ADGRL2: variants seen among roughly 807,000 people sequenced by gnomAD.
The protein encoded by ADGRL2 is calcium-independent alpha-latrotoxin receptor 2.
Under a neutral mutation model 157.4 loss-of-function variants are expected in ADGRL2, and 44 were observed. The observed-to-expected ratio is 0.28, with a 90% confidence interval of 0.22 to 0.36. The LOEUF (loss-of-function observed/expected upper bound fraction) is 0.36, where lower values mean the gene tolerates loss of function less well. ADGRL2 is among the 10% of genes least tolerant of loss of function. ADGRL2 has a pLI of 1.00. For synonymous variants in ADGRL2, 585 were observed against 624.7 expected, an observed-to-expected ratio of 0.94 and a Z score of 0.95; for missense variants, 1,510 against 1,768.9, an observed-to-expected ratio of 0.85 and a Z score of 2.63.
chr1:81,746,891 T>TACACGTATATACACACGTGCACACGTAC (rs1557615150), intron 1 of ADGRL2, among the ~76,000 whole-genome samples: 8 of 149,582 alleles, frequency 5.3e-5, no homozygotes, highest in East Asian at 2.0e-4. Flanking sequence ...TGCACACGTA[T>TACACGTATATACACACGTGCACACGTAC]ACACGTATAT....
intron 3 of ADGRL2, among the ~76,000 whole-genome samples, chr1:81,659,759 C>G (rs1400664688): frequency 1.3e-5 from 2 of 152,138 alleles, no homozygotes; most frequent in African/African-American, 2.4e-5. Context: ...AACTGGTTTA[C>G]CACATTCTCA....
At chr1:81,342,137 A>G (rs1163990791) in intron 1 of ADGRL2, among the ~76,000 whole-genome samples, 3 of 152,184 alleles carry the variant, frequency 2.0e-5, no homozygotes, top group East Asian at 1.9e-4. Context: ...TACAACAAGC[A>G]TAGGTATTTA....
intron 1 of ADGRL2, among the ~76,000 whole-genome samples, chr1:81,341,339 G>C (rs1175326061): frequency 6.6e-6 from 1 of 151,978 alleles, no homozygotes; most frequent in Admixed American, 6.5e-5. Flanking sequence ...AAAAGAGAAA[G>C]GCCTCTAGAT....
rs750301010 is a variant in ADGRL2, at chr1:81,943,352, A to C, written c.793A>C (p.Lys265Gln). 8 of 1,613,696 alleles carry C rather than the reference A, an allele frequency of 5.0e-6. No individual in the cohort carries two copies. Among genetic ancestry groups the C allele is most frequent in the Non-Finnish European group, 6.8e-6 (8 of 1,179,726 alleles). The stretch of plus-strand genomic sequence containing the variant: ...TACCTCACCATACAGATGGGGAGGA[A>C]AGACTGATATCGACCTAGCAGTTGA... ...HDTSPYRWGG[K>Q]TDIDLAVDEN... Residue 265 changes from lysine to glutamine, a missense_variant, in exon 6 of 24, where the codon AAG becomes CAG. By Grantham distance (53) the Lys-to-Gln change is moderately conservative. This residue lies in a region of ADGRL2 where 361 missense variants were observed against 498.4 expected (regional missense o/e 0.72). Coordinates refer to ENST00000686636, the MANE Select transcript of ADGRL2 (RefSeq NM_001366006.2). The surrounding 1 kb of genome is among the most constrained non-coding windows in gnomAD (Gnocchi z 5.6).
chr1:81,864,871 A>G (rs1443077603), intron 2 of ADGRL2, among the ~76,000 whole-genome samples: 1 of 152,184 alleles, frequency 6.6e-6, no homozygotes, highest in African/African-American at 2.4e-5. Context: ...CTGTAATCCC[A>G]GCTACTTGGG....
intron 1 of ADGRL2, among the ~76,000 whole-genome samples, chr1:81,708,022 G>A (rs535249825): frequency 1.3e-5 from 2 of 152,220 alleles, no homozygotes; most frequent in South Asian, 4.1e-4. Flanking sequence ...TATTTTAAAT[G>A]CCTACGCTTG....
At chr1:81,430,281 G>A (rs186808100) in intron 1 of ADGRL2, among the ~76,000 whole-genome samples, 16 of 152,322 alleles carry the variant, frequency 1.1e-4, no homozygotes, top group Admixed American at 8.5e-4. Flanking sequence ...GAAAAATAAA[G>A]CAAGGTTAAA....
intron 1 of ADGRL2, among the ~76,000 whole-genome samples, chr1:81,441,359 G>T (rs2077504221): frequency 6.6e-6 from 1 of 151,972 alleles, no homozygotes; most frequent in Admixed American, 6.6e-5. Context: ...TGGATTTCTG[G>T]TTAATTTACT....
intron 3 of ADGRL2, among the ~76,000 whole-genome samples, chr1:81,622,989 A>T (rs555235091): frequency 6.6e-6 from 1 of 152,220 alleles, no homozygotes; most frequent in Non-Finnish European, 1.5e-5. Context: ...GTGGTCATCA[A>T]TGTTACTCTG....
At chr1:81,802,690 C>T (rs758584028) in intron 1 of ADGRL2, among the ~76,000 whole-genome samples, 13 of 152,094 alleles carry the variant, frequency 8.5e-5, no homozygotes, top group Non-Finnish European at 1.6e-4. Context: ...CGCTGGGGCC[C>T]GGGGCCACCC....
chr1:81,442,605 T>TTTCCTA lies in ADGRL2; in HGVS notation c.-301-2431_-301-2430insTTCCTA, dbSNP rs1446774211. Among the ~76,000 whole-genome samples, 20 of 152,340 alleles carry TTTCCTA rather than the reference T, an allele frequency of 1.3e-4. No homozygotes were observed. In the South Asian group the frequency reaches 4.1e-3, roughly 32 times the overall value. ...GTAGGAAATTTTCCTTTGTTACCTG[T>TTTCCTA]CATAGAACCTTTACAGTTATGTTGG... On this transcript the variant is annotated intron_variant, in intron 1 of 24. Coordinates refer to the ADGRL2 transcript ENST00000370721.
chr1:81,739,566 C>T (rs2085007581), intron 1 of ADGRL2, among the ~76,000 whole-genome samples: 1 of 152,150 alleles, frequency 6.6e-6, no homozygotes, highest in Admixed American at 6.6e-5. Flanking sequence ...TTTTCTACCC[C>T]AGCCTTATCC....
chr1:81,535,131 G>A (rs890228912), intron 2 of ADGRL2, among the ~76,000 whole-genome samples: 11 of 152,142 alleles, frequency 7.2e-5, no homozygotes, highest in South Asian at 2.1e-4. Context: ...CTTTAAGTGT[G>A]TACAACGTAG....
At chr1:81,665,421 T>C (rs753752335) in intron 3 of ADGRL2, among the ~76,000 whole-genome samples, 2 of 152,184 alleles carry the variant, frequency 1.3e-5, no homozygotes, top group African/African-American at 2.4e-5. Flanking sequence ...ATACATTTCA[T>C]TTCTTTATTA....
chr1:81,967,585 G>A (rs770782540), intron 13 of ADGRL2, among the ~76,000 whole-genome samples: 2 of 152,120 alleles, frequency 1.3e-5, no homozygotes, highest in Non-Finnish European at 2.9e-5. Context: ...TTAAGAGCTT[G>A]TAGGTACTAA....
intron 1 of ADGRL2, among the ~76,000 whole-genome samples, chr1:81,423,404 A>G (rs1015802642): frequency 2.0e-5 from 3 of 152,136 alleles, no homozygotes; most frequent in Non-Finnish European, 4.4e-5. Flanking sequence ...ACCTATACCT[A>G]CTATTCAATG....
chr1:81,855,086 C>T (rs947375291), intron 2 of ADGRL2, among the ~76,000 whole-genome samples: 1 of 152,004 alleles, frequency 6.6e-6, no homozygotes, highest in Non-Finnish European at 1.5e-5. Flanking sequence ...TTAACATAAA[C>T]AAGTGAAGTA....
At chr1:81,596,972 T>A (rs2081247046) in intron 3 of ADGRL2, among the ~76,000 whole-genome samples, 1 of 152,186 alleles carries the variant, frequency 6.6e-6, no homozygotes, top group Non-Finnish European at 1.5e-5. Flanking sequence ...TTTTGAATAT[T>A]TGAATAACAT....
intron 3 of ADGRL2, among the ~76,000 whole-genome samples, chr1:81,911,448 C>T (rs1410408705): frequency 1.3e-5 from 2 of 152,110 alleles, no homozygotes; most frequent in African/African-American, 2.4e-5. Context: ...CCAGTATTGT[C>T]TCTTTGCAGC....
Sources: gnomAD v4.1 joint callset for allele counts (sites outside exome capture counted in the v4.1 genomes callset) on GRCh38, gnomAD v4.1.1 for gene constraint, gnomAD v4.1.1 regional missense constraint, Gnocchi (gnomAD v3.1) non-coding constraint, MANE v1.5 for transcripts, NCBI Gene and HGNC (gene_info 2026-07-23, HGNC 2026-07-21) for gene names.